Variants in AK9 observed in about 807,000 individuals in gnomAD.
The protein encoded by AK9 is adenylate kinase 9, also known as adenylate kinase domain containing 1.
AK9 carries 191 observed loss-of-function variants against 239.6 expected under a neutral mutation model. That is an observed-to-expected ratio of 0.80 (90% CI 0.71 to 0.90). The LOEUF is 0.90. Among genes scored for constraint, AK9 ranks in the 40% least tolerant of loss-of-function variants. The pLI, the probability that AK9 is intolerant of heterozygous loss-of-function variation, is 0.00. For synonymous variants in AK9, 689 were observed against 721.0 expected (o/e 0.96, Z 0.71); for missense variants, 1,995 against 2,214.7 (o/e 0.90, Z 1.99).
intron 27 of AK9, among the ~76,000 whole-genome samples, chr6:109,534,411 G>C (rs1781696635): frequency 6.7e-6 from 1 of 149,808 alleles, no homozygotes; most frequent in African/African-American, 2.4e-5. Context: ...TGTAGAATTT[G>C]TTTCTCCTGC....
intron 32 of AK9, among the ~76,000 whole-genome samples, chr6:109,511,239 T>C (rs1778713248): frequency 6.6e-6 from 1 of 152,192 alleles, no homozygotes; most frequent in African/African-American, 2.4e-5. Context: ...TTCCCCTTTC[T>C]GTCCATTTAT....
chr6:109,560,069 C>T (rs1261149266), intron 24 of AK9, among the ~76,000 whole-genome samples: 3 of 152,030 alleles, frequency 2.0e-5, no homozygotes, highest in Admixed American at 6.6e-5. Context: ...CATGATAACT[C>T]CCTCATCTCA....
At chr6:109,643,361 C>T (rs1421424138) in intron 9 of AK9, among the ~76,000 whole-genome samples, 2 of 152,148 alleles carry the variant, frequency 1.3e-5, no homozygotes, top group South Asian at 2.1e-4. Flanking sequence ...TTTGACTTTT[C>T]TCTCTCCCTT....
intron 2 of AK9, 59 bp downstream of exon 2, chr6:109,675,570 T>C: frequency 9.0e-7 from 1 of 1,114,582 alleles, no homozygotes; most frequent in Non-Finnish European, 1.2e-6. Context: ...TATGGTAACT[T>C]AGAAAATTGT....
chr6:109,588,672 A>C (rs911509563), intron 17 of AK9, among the ~76,000 whole-genome samples: 4 of 152,200 alleles, frequency 2.6e-5, no homozygotes, highest in African/African-American at 9.6e-5. Flanking sequence ...AATGTCCAGA[A>C]GAGTTTTTCC....
intron 1 of AK9, 71 bp downstream of exon 1, chr6:109,691,076 G>A (rs1774325238): frequency 5.7e-6 from 2 of 348,026 alleles, no homozygotes; most frequent in South Asian, 7.9e-5. Context: ...TTTCCAAAGA[G>A]AGGGAGGAGA....
intron 17 of AK9, among the ~76,000 whole-genome samples, chr6:109,600,081 C>T (rs1791693773): frequency 1.3e-5 from 2 of 152,146 alleles, no homozygotes; most frequent in South Asian, 4.1e-4. Context: ...CTTTCTCCTG[C>T]CTGATTGCCT....
chr6:109,509,354 C>G lies in AK9; in HGVS notation c.4306G>C (p.Gly1436Arg), dbSNP rs1240995404. The G allele has an allele frequency of 1.3e-6, 2 of 1,549,620 alleles. No homozygotes were observed. Among genetic ancestry groups the G allele is most frequent in the African/African-American group, 1.4e-5 (1 of 72,986 alleles). The change falls in exon 33 of 41, where the codon GGG (glycine) becomes CGG (arginine). Residue 1436 changes from glycine to arginine, a missense_variant. By Grantham distance (125) the Gly-to-Arg change is moderately radical (BLOSUM62 -2). This residue lies in a region of AK9 where 1,290 missense variants were observed against 1,392.7 expected (regional missense o/e 0.93). Coordinates refer to ENST00000424296, the MANE Select transcript of AK9 (RefSeq NM_001145128.3). ...CCTCCTATTGATAAATGCTTTAACC[C>G]ATATTCACTTGTAATTTTTTTGGCA... Reference protein sequence around the residue: ...TVAKKITSEYGLKHLSIGGAL... With the variant: ...TVAKKITSEYRLKHLSIGGAL...
chr6:109,534,250 G>C lies in AK9; in HGVS notation c.3351-780C>G, dbSNP rs146381709. Among the ~76,000 whole-genome samples, 111 of 150,202 alleles carry C rather than the reference G, an allele frequency of 7.4e-4. 1 individual carries two copies. The East Asian group carries it at 0.02, about 27-fold the overall frequency. On this transcript the variant is annotated intron_variant, in intron 27 of 40. Coordinates refer to ENST00000424296, the MANE Select transcript of AK9 (RefSeq NM_001145128.3). The stretch of plus-strand genomic sequence containing the variant: ...AAAAAAAAGAAAAAAAAAGAATCAG[G>C]ATAATAACTGGAATGTTAATTAGAG...
At chr6:109,647,780 A>T (rs1798288057) in intron 8 of AK9, among the ~76,000 whole-genome samples, 1 of 133,658 alleles carries the variant, frequency 7.5e-6, no homozygotes, top group South Asian at 3.3e-4. Flanking sequence ...AATCAACAGA[A>T]TATACATTCT....
intron 1 of AK9, among the ~76,000 whole-genome samples, chr6:109,687,924 A>G (rs1436119534): frequency 6.6e-6 from 1 of 152,206 alleles, no homozygotes; most frequent in Non-Finnish European, 1.5e-5. Context: ...CACTGAAAAA[A>G]CCAGGTGGAC....
chr6:109,554,147 T>C (rs1036421022), intron 24 of AK9, among the ~76,000 whole-genome samples: 1 of 152,208 alleles, frequency 6.6e-6, no homozygotes, highest in Non-Finnish European at 1.5e-5. Context: ...ATCAGGGATA[T>C]TGGCTGAAGC....
chr6:109,635,344 C>T lies in AK9; in HGVS notation c.934-2021G>A, dbSNP rs9487177. 5.6e-3 allele frequency among the ~76,000 whole-genome samples: 855 copies of T among 152,256 alleles called. 9 individuals carry two copies. The highest frequency in any genetic ancestry group is 0.02 in the African/African-American group (825 of 41,550). ...ACAAGGAGTCAGTGGATTCACTTTG[C>T]AAAACCCTGGAAAGACATGGGACCT... On this transcript the variant is annotated intron_variant, in intron 10 of 40. Transcript: ENST00000424296.
intron 17 of AK9, among the ~76,000 whole-genome samples, chr6:109,592,113 A>C (rs1790329494): frequency 6.6e-6 from 1 of 152,220 alleles, no homozygotes; most frequent in Non-Finnish European, 1.5e-5. Context: ...ACGTGTAGGA[A>C]TGCTACATTT....
At chr6:109,515,228 G>A (rs1295245466) in intron 31 of AK9, among the ~76,000 whole-genome samples, 2 of 152,118 alleles carry the variant, frequency 1.3e-5, no homozygotes, top group Non-Finnish European at 2.9e-5. Context: ...ATACTAGTAG[G>A]GCAAATCCCA....
chr6:109,662,330 A>G (rs9400315), intron 6 of AK9, among the ~76,000 whole-genome samples: 88,543 of 151,976 alleles, frequency 0.58, 27,475 homozygotes, highest in South Asian at 0.84. Flanking sequence ...CTTTCAAAGG[A>G]TGGCTATGAG....
intron 26 of AK9, among the ~76,000 whole-genome samples, chr6:109,542,782 G>C (rs573336884): frequency 6.6e-6 from 1 of 152,226 alleles, no homozygotes; most frequent in East Asian, 1.9e-4. Context: ...TTGTACAAAA[G>C]TAATTGCGGT....
In AK9 at chr6:109,529,030, C is replaced by G. The variant is rs138106785; in HGVS notation, c.3614G>C (p.Arg1205Thr). Residue 1205 changes from arginine to threonine, a missense_variant, in exon 29 of 41, where the codon AGA becomes ACA. Physicochemically the swap from Arg to Thr is moderately conservative, Grantham distance 71. Around this residue, in one of 5 missense-constraint regions of AK9, gnomAD observed 1,290 missense variants for 1,392.7 expected, o/e 0.93. Coordinates refer to ENST00000424296, the MANE Select transcript of AK9 (RefSeq NM_001145128.3). Reference protein sequence around the residue: ...AKRRAELILERDKKRRENVVR... With the variant: ...AKRRAELILETDKKRRENVVR... ...ACTTACCTCCCTCCTTTTTTTATCT[C>G]TCTCTAATATAAGTTCAGCCCTTCT... 3.8e-6 allele frequency: 6 copies of G among 1,595,838 alleles called. No individual in the cohort carries two copies. The highest frequency in any genetic ancestry group is 3.4e-5 in the South Asian group (3 of 88,670).
intron 25 of AK9, 133 bp from the exon 26 acceptor site, chr6:109,546,260 A>C (rs967862932): frequency 9.3e-6 from 7 of 756,254 alleles, no homozygotes; most frequent in African/African-American, 7.0e-5. Context: ...CACATCATGA[A>C]CTCAAGGATG....
Sources: gnomAD v4.1 joint callset for allele counts (sites outside exome capture counted in the v4.1 genomes callset) on GRCh38, gnomAD v4.1.1 for gene constraint, gnomAD v4.1.1 regional missense constraint, MANE v1.5 for transcripts, NCBI Gene and HGNC (gene_info 2026-07-23, HGNC 2026-07-21) for gene names.